SEC31A: variants seen among roughly 807,000 people sequenced by gnomAD.
The protein encoded by SEC31A is protein transport protein Sec31A.
In SEC31A, 70 loss-of-function variants were observed where a neutral mutation model predicts 151.0. The observed-to-expected ratio is 0.46, with a 90% CI of 0.38 to 0.57. SEC31A has a LOEUF of 0.57. SEC31A is among the 20% of genes least tolerant of loss of function. The probability of loss-of-function intolerance (pLI) is 0.00; values close to 1 mark genes in which losing one functional copy is unlikely to be tolerated. For missense variants in SEC31A, 1,330 were observed against 1,471.2 expected, an observed-to-expected ratio of 0.90 and a Z score of 1.57; for synonymous variants, 475 against 505.9, an observed-to-expected ratio of 0.94 and a Z score of 0.82.
At chr4:82,820,179 G>A (rs1182844157) in intron 26 of SEC31A, among the ~76,000 whole-genome samples, 1 of 136,860 alleles carries the variant, frequency 7.3e-6, no homozygotes, top group African/African-American at 2.7e-5. Flanking sequence ...ATGTTGCCCA[G>A]GCTGGTCTCA....
rs201988682 is a variant in SEC31A at position 82,858,542 on chromosome 4, CAAAAA to C, written c.1627-783_1627-779del. Among the ~76,000 whole-genome samples the C allele has an allele frequency of 4.8e-5, 3 of 62,946 alleles. No individual in the cohort carries two copies. In the Admixed American group the frequency reaches 6.8e-4, roughly 14 times the overall value. 41.3% of individuals were successfully genotyped at this position (62,946 alleles called of 152,430 possible). A position where few individuals can be genotyped will look rare whatever the true frequency, so the allele number is the denominator to read the frequency against. On this transcript the variant is annotated intron_variant, in intron 14 of 26. Coordinates refer to ENST00000395310, the MANE Select transcript of SEC31A (RefSeq NM_001077207.4). Reference sequence around the variant, plus strand: ...CTGGCGACAGAGCGAGACTCTGTCTCAAAAAAAAAAAAAAAAAAAAAAAAAAAAGA... The same window carrying C: ...CTGGCGACAGAGCGAGACTCTGTCTCAAAAAAAAAAAAAAAAAAAAAAAGA...
intron 22 of SEC31A, among the ~76,000 whole-genome samples, chr4:82,834,238 TGA>T (rs1263801184): frequency 1.3e-5 from 2 of 152,310 alleles, no homozygotes; most frequent in East Asian, 3.9e-4. Flanking sequence ...AGCTTCTGGC[TGA>T]GAGAGGTAAT....
At position 82,880,909 on chromosome 4, in the gene SEC31A, C is replaced by T; in HGVS notation, c.93G>A (p.Gln31=). The T allele has an allele frequency of 6.2e-7, 1 of 1,609,070 alleles. No individual in the cohort carries two copies. Among genetic ancestry groups the T allele is most frequent in the Non-Finnish European group, 8.5e-7 (1 of 1,176,440 alleles). Residue 31 remains glutamine (Q), a synonymous_variant, in exon 3 of 27, where the codon CAG becomes CAA. Coordinates refer to ENST00000395310, the MANE Select transcript of SEC31A (RefSeq NM_001077207.4). ...PIYLATGTSA[Q]QLDATFSTNA... ...TCGTACTAAATGTTGCATCCAATTG[C>T]TGAGCAGATGTTCCTATAGAAAATA...
chr4:82,899,411 G>A (rs1720210167), intron 3 of SEC31A: 1 of 152,160 alleles, frequency 6.6e-6, no homozygotes, highest in African/African-American at 2.4e-5. Context: ...TTTCCTTAAA[G>A]ATAGCTAAAA....
At chr4:82,841,442 T>TTATATATATATATATATATATGTATA in intron 22 of SEC31A, among the ~76,000 whole-genome samples, 1 of 64,460 alleles carries the variant, frequency 1.6e-5, no homozygotes, top group Non-Finnish European at 3.8e-5. Flanking sequence ...AAAAAAAATT[T>TTATATATATATATATATATATGTATA]TATATATATA....
In SEC31A at chr4:82,819,119, T is replaced by C; in HGVS notation, c.3618A>G (p.Pro1206=). Residue 1206 remains proline, a synonymous_variant, in exon 27 of 27, where the codon CCA becomes CCG. Coordinates refer to ENST00000395310, the MANE Select transcript of SEC31A (RefSeq NM_001077207.4). ...SNFSETSAFM[P]VLKVVLTQAN... is the part of the protein sequence containing the mutation. ...CCTGGGTGAGAACAACTTTGAGAAC[T>C]GGCATGAAAGCAGAGGTCTCACTGA... The C allele has an allele frequency of 1.9e-6, 3 of 1,612,170 alleles. No individual in the cohort carries two copies. Among genetic ancestry groups the C allele is most frequent in the Non-Finnish European group, 2.5e-6 (3 of 1,179,088 alleles).
chr4:82,851,388 C>T lies in SEC31A; in HGVS notation c.2328+43G>A, dbSNP rs372892038. 27 of 1,519,922 alleles carry T rather than the reference C, an allele frequency of 1.8e-5. No homozygotes were observed. The African/African-American group carries it at 3.7e-4, about 21-fold the overall frequency. 94.2% of individuals were successfully genotyped at this position (1,519,922 alleles called of 1,614,324 possible). On this transcript the variant is annotated intron_variant, in intron 19 of 26. Coordinates refer to ENST00000395310, the MANE Select transcript of SEC31A (RefSeq NM_001077207.4). The stretch of plus-strand genomic sequence containing the variant: ...CTAATGCTAAGTGTTATCTACTGGA[C>T]TCACCTTACTCAAACATTACAAAAA...
At chr4:82,888,649 A>G (rs1167546949) in intron 1 of SEC31A, among the ~76,000 whole-genome samples, 3 of 151,914 alleles carry the variant, frequency 2.0e-5, no homozygotes, top group African/African-American at 7.3e-5. Flanking sequence ...AGATCGCGCC[A>G]ATGTACTCCA....
intron 8 of SEC31A, among the ~76,000 whole-genome samples, chr4:82,869,532 A>G (rs1343575705): frequency 2.0e-5 from 3 of 152,162 alleles, no homozygotes; most frequent in Non-Finnish European, 4.4e-5. Context: ...TAATTAAATT[A>G]TATTACAGAG....
At chr4:82,879,509 C>T (rs1178314435) in intron 3 of SEC31A, among the ~76,000 whole-genome samples, 2 of 152,012 alleles carry the variant, frequency 1.3e-5, no homozygotes, top group African/African-American at 4.8e-5. Context: ...ACAAGTACCC[C>T]TACTATTAGA....
At chr4:82,839,212 G>A (rs544850708) in intron 22 of SEC31A, among the ~76,000 whole-genome samples, 58 of 152,224 alleles carry the variant, frequency 3.8e-4, no homozygotes, top group African/African-American at 1.3e-3. Context: ...GTGCAGTGGT[G>A]CGATCTCGGC....
At chr4:82,820,963 T>C in intron 26 of SEC31A, 74 bp downstream of exon 26, 1 of 1,255,216 alleles carries the variant, frequency 8.0e-7, no homozygotes, top group Non-Finnish European at 1.2e-6. Flanking sequence ...TAAATGGGAG[T>C]GCTGATAAGA....
intron 14 of SEC31A, among the ~76,000 whole-genome samples, chr4:82,860,207 T>A (rs1411048432): frequency 6.6e-6 from 1 of 152,174 alleles, no homozygotes; most frequent in African/African-American, 2.4e-5. Flanking sequence ...TTATTAGGTA[T>A]TGAGTGCCTT....
At chr4:82,853,110 G>A (rs1191818217) in intron 18 of SEC31A, among the ~76,000 whole-genome samples, 10 of 152,180 alleles carry the variant, frequency 6.6e-5, no homozygotes, top group Non-Finnish European at 1.3e-4. Context: ...ACTGGTTTAT[G>A]GCCTGGGGGT....
At chr4:82,846,336 G>A (rs1730171118) in intron 20 of SEC31A, among the ~76,000 whole-genome samples, 1 of 147,746 alleles carries the variant, frequency 6.8e-6, no homozygotes. Context: ...AATCCTTTTT[G>A]TCAAGTAAAT....
rs1734891795 is a variant in SEC31A, at chr4:82,864,609, G to C, written c.1198-11C>G. On this transcript the variant is annotated splice_polypyrimidine_tract_variant and intron_variant, in intron 10 of 26. Transcript: ENST00000395310. Reference sequence around the variant, plus strand: ...CAGTTTGCCTCCAAACTATAAAAGAGAGAATGAACAAACTCAGTGTTAACC... The same window carrying C: ...CAGTTTGCCTCCAAACTATAAAAGACAGAATGAACAAACTCAGTGTTAACC... The C allele has an allele frequency of 6.2e-7, 1 of 1,610,610 alleles. No individual in the cohort carries two copies.
chr4:82,892,330 C>T (rs1022892948), upstream of SEC31A, among the ~76,000 whole-genome samples: 1 of 152,256 alleles, frequency 6.6e-6, no homozygotes, highest in African/African-American at 2.4e-5. Context: ...CCGCAAGCAG[C>T]TTTCTGTTCC....
At chr4:82,868,612 T>C (rs1343897643) in intron 8 of SEC31A, among the ~76,000 whole-genome samples, 3 of 152,212 alleles carry the variant, frequency 2.0e-5, no homozygotes, top group Non-Finnish European at 4.4e-5. Flanking sequence ...GGTGGTTAAC[T>C]GCTACTCACA....
intron 4 of SEC31A, chr4:82,877,626 T>G (rs1738287521): frequency 6.6e-6 from 1 of 152,198 alleles, no homozygotes; most frequent in African/African-American, 2.4e-5. Context: ...TTTATATAAT[T>G]AACAACCAGA....
Sources: gnomAD v4.1 joint callset for allele counts (sites outside exome capture counted in the v4.1 genomes callset) on GRCh38, gnomAD v4.1.1 for gene constraint, MANE v1.5 for transcripts, NCBI Gene and HGNC (gene_info 2026-07-23, HGNC 2026-07-21) for gene names.